The following GPHN variants were observed in gnomAD, a reference collection of about 807,000 sequenced individuals.
GPHN encodes the protein gephyrin.
GPHN carries 17 observed loss-of-function variants against 95.5 expected under a neutral mutation model. That is an observed-to-expected ratio of 0.18 (90% CI 0.12 to 0.27). The LOEUF (loss-of-function observed/expected upper bound fraction) is 0.27. GPHN is among the 10% of genes least tolerant of loss of function. The probability of loss-of-function intolerance (pLI) is 1.00; values close to 1 mark genes in which losing one functional copy is unlikely to be tolerated. For synonymous variants in GPHN, 320 were observed against 322.5 expected (o/e 0.99, Z 0.08); for missense variants, 660 against 978.1 (o/e 0.67, Z 4.34).
At chr14:67,231,793 C>T in the GPHN span, among the ~76,000 whole-genome samples, 1 of 151,852 alleles carries the variant, frequency 6.6e-6, no homozygotes, top group South Asian at 2.1e-4. Flanking sequence ...ATGGTGAAAT[C>T]CTGTCTCTAT....
At chr14:66,973,798 T>C (rs1047509157) in intron 9 of GPHN, among the ~76,000 whole-genome samples, 1 of 152,102 alleles carries the variant, frequency 6.6e-6, no homozygotes, top group Non-Finnish European at 1.5e-5. Context: ...ATAACCTGGT[T>C]GTTGGCAGAT....
chr14:66,955,066 A>G lies in GPHN; in HGVS notation c.829-10125A>G, dbSNP rs1335084170. The stretch of plus-strand genomic sequence containing the variant: ...ATATTTATAAAGGATATTAGCCTGT[A>G]GTTTTTTTGTTCTTATGATGTCATT... On this transcript the variant is annotated intron_variant, in intron 8 of 22. Coordinates refer to ENST00000478722, the MANE Select transcript of GPHN (RefSeq NM_020806.5). Among the ~76,000 whole-genome samples, 5 of 152,250 alleles carry G rather than the reference A, an allele frequency of 3.3e-5. No individual in the cohort carries two copies. In the East Asian group the frequency reaches 9.6e-4, roughly 29 times the overall value.
At position 67,122,907 on chromosome 14, in the gene GPHN, A is replaced by G. The variant is rs111277394; in HGVS notation, c.1748+530A>G. Among the ~76,000 whole-genome samples, 466 of 152,318 alleles carry G rather than the reference A, an allele frequency of 3.1e-3. 5 individuals are homozygous for G. Among genetic ancestry groups the G allele is most frequent in the African/African-American group, 0.011 (448 of 41,580 alleles). On this transcript the variant is annotated intron_variant, in intron 17 of 22. Coordinates refer to ENST00000478722, the MANE Select transcript of GPHN (RefSeq NM_020806.5). ...ATAATTACTCAATTTTTAAGAGCCT[A>G]TTACCCCCATCTACTGAATTAACTC...
At chr14:67,556,509 G>C in the GPHN span, among the ~76,000 whole-genome samples, 1 of 152,062 alleles carries the variant, frequency 6.6e-6, no homozygotes, top group Non-Finnish European at 1.5e-5. Context: ...AACTCCTGGG[G>C]TTTAAGCAGT....
At chr14:67,470,228 T>G in the GPHN span, 1 of 152,150 alleles carries the variant, frequency 6.6e-6, no homozygotes, top group Non-Finnish European at 1.5e-5. Context: ...CCTGAGAAAG[T>G]GGCTCCAAAA....
intron 10 of GPHN, among the ~76,000 whole-genome samples, chr14:67,037,516 A>G (rs966093076): frequency 2.0e-5 from 3 of 152,046 alleles, no homozygotes; most frequent in African/African-American, 7.2e-5. Context: ...TGGCAACAAC[A>G]GAATGGGAAA....
the GPHN span, among the ~76,000 whole-genome samples, chr14:67,543,117 T>G: frequency 3.3e-5 from 5 of 152,214 alleles, no homozygotes; most frequent in Admixed American, 6.5e-5. Context: ...ATTATATGTA[T>G]AGTTTTGTTT....
chr14:67,058,224 A>G (rs2075682230), intron 10 of GPHN, among the ~76,000 whole-genome samples: 1 of 152,236 alleles, frequency 6.6e-6, no homozygotes, highest in Admixed American at 6.5e-5. Flanking sequence ...CAATTTGAAT[A>G]GAAAATTCTG....
intron 1 of GPHN, among the ~76,000 whole-genome samples, chr14:66,597,949 T>C (rs2062054625): frequency 6.6e-6 from 1 of 152,236 alleles, no homozygotes; most frequent in Admixed American, 6.5e-5. Context: ...TCATTCACCC[T>C]TAACAAAAGA....
the GPHN span, among the ~76,000 whole-genome samples, chr14:67,274,937 G>A: frequency 6.6e-6 from 1 of 152,196 alleles, no homozygotes; most frequent in Non-Finnish European, 1.5e-5. Context: ...TGTTATTGGT[G>A]TATAAGAATG....
chr14:66,602,349 C>G (rs1301432145), intron 1 of GPHN, among the ~76,000 whole-genome samples: 1 of 151,790 alleles, frequency 6.6e-6, no homozygotes, highest in Non-Finnish European at 1.5e-5. Context: ...ACACCATTGG[C>G]CTGCTTTTCT....
At chr14:67,674,540 C>T in the GPHN span, 3 of 1,485,758 alleles carry the variant, frequency 2.0e-6, no homozygotes, top group East Asian at 2.5e-5. Flanking sequence ...GCCCTGGGCC[C>T]TTTCCTAGCC....
chr14:67,319,471 A>G, the GPHN span, among the ~76,000 whole-genome samples: 1 of 152,208 alleles, frequency 6.6e-6, no homozygotes, highest in Non-Finnish European at 1.5e-5. Context: ...AAGTGGAGAT[A>G]GCATGCATAT....
At chr14:66,587,550 G>C (rs2061472645) in intron 1 of GPHN, among the ~76,000 whole-genome samples, 1 of 152,136 alleles carries the variant, frequency 6.6e-6, no homozygotes, top group Non-Finnish European at 1.5e-5. Context: ...ATTTATTTCT[G>C]GGATGCAAGT....
At chr14:67,337,268 T>A in the GPHN span, 2 of 152,562 alleles carry the variant, frequency 1.3e-5, no homozygotes, top group East Asian at 3.9e-4. Flanking sequence ...TCCCAGCACT[T>A]TGGGAGGCCG....
At chr14:66,647,368 C>T (rs995895036) in intron 1 of GPHN, among the ~76,000 whole-genome samples, 1 of 151,284 alleles carries the variant, frequency 6.6e-6, no homozygotes, top group African/African-American at 2.4e-5. Flanking sequence ...CCACATGATT[C>T]TCACAGTTAG....
chr14:67,172,344 A>G (rs2082646490), intron 21 of GPHN, among the ~76,000 whole-genome samples: 1 of 152,070 alleles, frequency 6.6e-6, no homozygotes, highest in Admixed American at 6.5e-5. Context: ...ATGCATCCCT[A>G]AGTTCAGTCA....
At chr14:66,745,464 A>G (rs2058104215) in intron 2 of GPHN, among the ~76,000 whole-genome samples, 4 of 152,014 alleles carry the variant, frequency 2.6e-5, no homozygotes, top group Admixed American at 2.6e-4. Context: ...ATACAAACCT[A>G]TTTTTAGATT....
chr14:67,450,201 GGA>G, the GPHN span, among the ~76,000 whole-genome samples: 3 of 152,094 alleles, frequency 2.0e-5, no homozygotes, highest in African/African-American at 7.2e-5. Flanking sequence ...CCAGCCATAT[GGA>G]ACTGTAAGTC....
Sources: gnomAD v4.1 joint callset for allele counts (sites outside exome capture counted in the v4.1 genomes callset) on GRCh38, gnomAD v4.1.1 for gene constraint, MANE v1.5 for transcripts, NCBI Gene and HGNC (gene_info 2026-07-23, HGNC 2026-07-21) for gene names.